ZNG1A: variants seen among roughly 807,000 people sequenced by gnomAD.
ZNG1A encodes zinc-regulated GTPase metalloprotein activator 1A.
the ZNG1A span, among the ~76,000 whole-genome samples, chr9:143,283 T>C: frequency 6.7e-6 from 1 of 148,256 alleles, no homozygotes; most frequent in Non-Finnish European, 1.5e-5. Flanking sequence ...AACATTGATG[T>C]AAAAATCCTC....
the ZNG1A span, among the ~76,000 whole-genome samples, chr9:174,601 C>T: frequency 6.6e-6 from 1 of 151,254 alleles, no homozygotes; most frequent in East Asian, 1.9e-4. Flanking sequence ...TTAGAAATCT[C>T]AGGATTTTTG....
the ZNG1A span, among the ~76,000 whole-genome samples, chr9:171,345 A>AAAAT: frequency 1.5e-5 from 2 of 135,784 alleles, no homozygotes. Context: ...TCAAAAAAAA[A>AAAAT]AATAATGGTA....
At chr9:178,409 A>C in the ZNG1A span, among the ~76,000 whole-genome samples, 5 of 148,830 alleles carry the variant, frequency 3.4e-5, no homozygotes, top group Non-Finnish European at 6.0e-5. Context: ...CATTTTACAG[A>C]CGGGACATCC....
At chr9:149,068 G>C in the ZNG1A span, 1 of 149,538 alleles carries the variant, frequency 6.7e-6, no homozygotes, top group Non-Finnish European at 1.5e-5. Flanking sequence ...GCCTTCCCCA[G>C]TGGCACTTCA....
At chr9:139,411 T>C in the ZNG1A span, among the ~76,000 whole-genome samples, 2 of 148,700 alleles carry the variant, frequency 1.3e-5, no homozygotes, top group Non-Finnish European at 3.0e-5. Context: ...GCTTCAGTTA[T>C]AAAGAGTGAA....
chr9:144,780 T>G, the ZNG1A span, among the ~76,000 whole-genome samples: 1 of 150,082 alleles, frequency 6.7e-6, no homozygotes. Flanking sequence ...TGGGAGAAAA[T>G]TTTTGCAACC....
At chr9:158,080 C>T in the ZNG1A span, among the ~76,000 whole-genome samples, 879 of 144,800 alleles carry the variant, frequency 6.1e-3, 15 homozygotes, top group African/African-American at 0.021. Flanking sequence ...CATTCCATGC[C>T]AAAAGACCAA....
the ZNG1A span, among the ~76,000 whole-genome samples, chr9:176,677 G>C: frequency 0.71 from 107,869 of 151,682 alleles, 38,506 homozygotes; most frequent in East Asian, 0.77. Flanking sequence ...GAATGGAAGA[G>C]AGAGACTTAG....
chr9:155,837 A>G, the ZNG1A span, among the ~76,000 whole-genome samples: 1 of 150,490 alleles, frequency 6.6e-6, no homozygotes. Context: ...GGCACAGTGG[A>G]TTCATGCCTG....
the ZNG1A span, among the ~76,000 whole-genome samples, chr9:140,747 T>C: frequency 2.0e-5 from 3 of 152,014 alleles, no homozygotes; most frequent in African/African-American, 7.3e-5. Context: ...TACTCCGAGC[T>C]ATGGGAGGAC....
chr9:126,654 G>C, the ZNG1A span, among the ~76,000 whole-genome samples: 3 of 151,906 alleles, frequency 2.0e-5, no homozygotes, highest in Non-Finnish European at 4.4e-5. Context: ...CAAAGAACCA[G>C]CTTTTTGTTT....
chr9:148,805 A>G, the ZNG1A span: 1 of 148,554 alleles, frequency 6.7e-6, no homozygotes, highest in African/African-American at 2.6e-5. Context: ...AGGACAGGAG[A>G]GTGAAAATGA....
chr9:145,649 G>T, the ZNG1A span, among the ~76,000 whole-genome samples: 1 of 151,038 alleles, frequency 6.6e-6, no homozygotes, highest in African/African-American at 2.4e-5. Context: ...GTATACATAT[G>T]TAACTAACCT....
the ZNG1A span, among the ~76,000 whole-genome samples, chr9:160,668 A>G: frequency 4.0e-5 from 6 of 151,528 alleles, no homozygotes; most frequent in Non-Finnish European, 8.8e-5. Context: ...CTATACATAT[A>G]AAATTATTCC....
chr9:162,775 CA>C, the ZNG1A span, among the ~76,000 whole-genome samples: 5 of 149,902 alleles, frequency 3.3e-5, no homozygotes, highest in Non-Finnish European at 3.0e-5. Flanking sequence ...GCTTACAATC[CA>C]AAATATAAGT....
the ZNG1A span, chr9:152,219 A>G: frequency 2.1e-5 from 8 of 379,910 alleles, no homozygotes; most frequent in Admixed American, 3.1e-4. Flanking sequence ...TTAAAAACAG[A>G]AAAACAAAAC....
chr9:150,158 G>A, the ZNG1A span: 6 of 90,796 alleles, frequency 6.6e-5, no homozygotes, highest in African/African-American at 2.3e-4. Context: ...ACAGAGTCTC[G>A]CTCTGTCACC....
the ZNG1A span, among the ~76,000 whole-genome samples, chr9:142,169 A>C: frequency 6.7e-6 from 1 of 148,706 alleles, no homozygotes; most frequent in Non-Finnish European, 1.5e-5. Context: ...CAGGAATTGA[A>C]CTCAGCTCTG....
At chr9:153,568 A>C in the ZNG1A span, 1 of 151,304 alleles carries the variant, frequency 6.6e-6, no homozygotes, top group African/African-American at 2.4e-5. Flanking sequence ...CAAGGATTAG[A>C]ACCCAAGCAG....
Sources: allele counts gnomAD v4.1 joint callset (sites outside exome capture counted in the v4.1 genomes callset), GRCh38; gene constraint gnomAD v4.1.1; transcripts MANE v1.5; gene names NCBI Gene and HGNC (gene_info 2026-07-23, HGNC 2026-07-21).